Variants in TRIP12 observed in about 807,000 individuals in gnomAD.
The protein encoded by TRIP12 is E3 ubiquitin-protein ligase TRIP12.
TRIP12 carries 25 observed loss-of-function variants against 244.2 expected under a neutral mutation model. The ratio of observed to expected loss-of-function variants is 0.10; its 90% CI spans 0.07 to 0.14. The LOEUF (loss-of-function observed/expected upper bound fraction) is 0.14, where lower values mean the gene tolerates loss of function less well. Ranked by LOEUF, TRIP12 falls within the 10% of genes least tolerant of loss-of-function variation. The pLI, the probability that TRIP12 is intolerant of heterozygous loss-of-function variation, is 1.00. For missense variants in TRIP12, 1,677 were observed against 2,486.4 expected (o/e 0.67, Z 6.92); for synonymous variants, 905 against 873.1 (o/e 1.04, Z -0.64).
chr2:229,881,984 T>C (rs2064984125), intron 1 of TRIP12, among the ~76,000 whole-genome samples: 1 of 152,230 alleles, frequency 6.6e-6, no homozygotes, highest in African/African-American at 2.4e-5. Context: ...GCATAACAGC[T>C]TTAAGTACAG....
chr2:229,778,692 T>C lies in TRIP12; in HGVS notation c.5210-105A>G. 1 of 1,477,332 alleles carries C rather than the reference T, an allele frequency of 6.8e-7. No homozygotes were observed. Among genetic ancestry groups the C allele is most frequent in the Non-Finnish European group, 9.2e-7 (1 of 1,092,660 alleles). 91.5% of individuals were successfully genotyped at this position (1,477,332 alleles called of 1,614,324 possible). A position where few individuals can be genotyped will look rare whatever the true frequency, so the allele number is the denominator to read the frequency against. ...AAATTAAGCATTCTCAAAATTGGAG[T>C]GCAGATCACTGAATGAAGTCCTCTA... On this transcript the variant is annotated intron_variant, in intron 35 of 41. Coordinates refer to ENST00000675903, the MANE Select transcript of TRIP12 (RefSeq NM_001348323.3). The surrounding 1 kb of genome is among the most constrained non-coding windows in gnomAD (Gnocchi z 4.1).
chr2:229,791,320 C>T, intron 29 of TRIP12, 69 bp from the exon 30 acceptor site: 1 of 1,514,154 alleles, frequency 6.6e-7, no homozygotes, highest in Middle Eastern at 1.7e-4. Flanking sequence ...AAATCTAAGC[C>T]ACAGACACCA....
chr2:229,789,061 A>G (rs924663125), intron 31 of TRIP12, 121 bp from the exon 32 acceptor site: 2 of 845,116 alleles, frequency 2.4e-6, no homozygotes, highest in Admixed American at 5.6e-5. Flanking sequence ...TTGGTTTCCA[A>G]CATACAACAC....
chr2:229,798,786 G>T, intron 23 of TRIP12, 89 bp downstream of exon 23: 1 of 1,374,834 alleles, frequency 7.3e-7, no homozygotes, highest in Non-Finnish European at 1.0e-6. Flanking sequence ...TCTATGTATC[G>T]TCTCCACACA....
At chr2:229,800,242 GT>G (rs1042495169) in intron 21 of TRIP12, among the ~76,000 whole-genome samples, 28 of 152,104 alleles carry the variant, frequency 1.8e-4, no homozygotes, top group African/African-American at 4.3e-4. Flanking sequence ...ATTTTAGTTG[GT>G]TTTTTTAAAC....
intron 1 of TRIP12, among the ~76,000 whole-genome samples, chr2:229,897,542 G>A (rs184186775): frequency 2.6e-5 from 4 of 152,312 alleles, no homozygotes; most frequent in East Asian, 1.9e-4. Flanking sequence ...CAGTTACACC[G>A]GAGGCTGAGG....
At chr2:229,786,125 G>GA (rs1167974704) in intron 33 of TRIP12, among the ~76,000 whole-genome samples, 2 of 152,068 alleles carry the variant, frequency 1.3e-5, no homozygotes, top group African/African-American at 4.8e-5. Flanking sequence ...AGTTGGGGAA[G>GA]AAAAAAATCG....
intron 1 of TRIP12, among the ~76,000 whole-genome samples, chr2:229,895,580 G>A (rs2068587322): frequency 6.7e-6 from 1 of 148,744 alleles, no homozygotes; most frequent in Non-Finnish European, 1.5e-5. Flanking sequence ...GACAAAGACA[G>A]CAAAGTGGAA....
chr2:229,791,283 G>A, intron 29 of TRIP12, 32 bp from the exon 30 acceptor site: 8 of 1,610,666 alleles, frequency 5.0e-6, no homozygotes, highest in Non-Finnish European at 6.8e-6. Flanking sequence ...TAAACCAAAT[G>A]TAGATTTTGA....
chr2:229,885,718 A>G (rs1211549278), intron 1 of TRIP12, among the ~76,000 whole-genome samples: 1 of 152,214 alleles, frequency 6.6e-6, no homozygotes, highest in Non-Finnish European at 1.5e-5. Context: ...AACCCTTAAC[A>G]TTCCCCAAAA....
In TRIP12 at chr2:229,867,175, T is replaced by G. The variant is rs540419061; in HGVS notation, c.99-6644A>C. ...TTTTTTTTTGTTTGTTTGTTTGTTT[T>G]TTTTTTTTGAGACAGATACTCACTC... On this transcript the variant is annotated intron_variant, in intron 2 of 41. Transcript: ENST00000675903. Among the ~76,000 whole-genome samples, 112 of 143,912 alleles carry G rather than the reference T, an allele frequency of 7.8e-4. 2 individuals are homozygous for G. The highest frequency in any genetic ancestry group is 2.8e-3 in the African/African-American group (106 of 37,378). The allele number at this position is 143,912 out of a possible 152,430, so 94.4% of individuals were successfully genotyped here. A position where few individuals can be genotyped will look rare whatever the true frequency, so the allele number is the denominator to read the frequency against.
intron 15 of TRIP12, among the ~76,000 whole-genome samples, chr2:229,810,250 C>A (rs2046938635): frequency 6.6e-6 from 1 of 152,146 alleles, no homozygotes; most frequent in African/African-American, 2.4e-5. Flanking sequence ...TCTGATGCCC[C>A]ACCATTCTCT....
chr2:229,849,950 A>G (rs1488343569), intron 4 of TRIP12, among the ~76,000 whole-genome samples: 1 of 148,338 alleles, frequency 6.7e-6, no homozygotes, highest in Non-Finnish European at 1.5e-5. Context: ...AAAAAAAAAG[A>G]GGTAGCCCTT....
At chr2:229,841,887 C>T (rs894878568) in intron 4 of TRIP12, among the ~76,000 whole-genome samples, 5 of 152,116 alleles carry the variant, frequency 3.3e-5, no homozygotes, top group Admixed American at 3.3e-4. Flanking sequence ...AGTAAAAGAA[C>T]TGGGAGAGAA....
intron 2 of TRIP12, among the ~76,000 whole-genome samples, chr2:229,864,026 G>C: frequency 1.4e-5 from 2 of 141,576 alleles, no homozygotes; most frequent in African/African-American, 5.6e-5. Context: ...GAGAGAGAGA[G>C]AGAGAGAGAG....
Position 229,810,899 on chromosome 2 carries a change from A to T in TRIP12, c.2202T>A (p.Ala734=). 1 of 1,613,486 alleles carries T rather than the reference A, an allele frequency of 6.2e-7. No individual in the cohort carries two copies. Among genetic ancestry groups the T allele is most frequent in the Non-Finnish European group, 8.5e-7 (1 of 1,179,848 alleles). ...ACTTACTTTGTTTCATAAGTTGAAC[A>T]GCTAAAGTTGGACAGTTGGAACACA... ...SLMCSNCPTL[A]VQLMKQNIAE... is the part of the protein sequence containing the mutation. Residue 734 remains alanine, a synonymous_variant, in exon 15 of 42, where the codon GCT becomes GCA. Coordinates refer to ENST00000675903, the MANE Select transcript of TRIP12 (RefSeq NM_001348323.3).
chr2:229,914,995 G>A (rs1221027539), intron 1 of TRIP12, among the ~76,000 whole-genome samples: 1 of 152,184 alleles, frequency 6.6e-6, no homozygotes, highest in Non-Finnish European at 1.5e-5. Flanking sequence ...GTTCATTCTT[G>A]TAATACCAGC....
chr2:229,829,455 A>C (rs1372975961), intron 7 of TRIP12, among the ~76,000 whole-genome samples, 167 bp from the exon 8 acceptor site: 1 of 152,236 alleles, frequency 6.6e-6, no homozygotes, highest in African/African-American at 2.4e-5. Flanking sequence ...ACCCTAATAT[A>C]TTAAATCAGT....
At chr2:229,797,133 T>C (rs893208106) in intron 24 of TRIP12, among the ~76,000 whole-genome samples, 2 of 152,078 alleles carry the variant, frequency 1.3e-5, no homozygotes, top group Admixed American at 6.6e-5. Flanking sequence ...GAATACAAGG[T>C]GTGGCTTTAA....
Sources: allele counts gnomAD v4.1 joint callset (sites outside exome capture counted in the v4.1 genomes callset), GRCh38; gene constraint gnomAD v4.1.1; non-coding constraint Gnocchi (gnomAD v3.1); transcripts MANE v1.5; gene names NCBI Gene and HGNC (gene_info 2026-07-23, HGNC 2026-07-21).